Variants in TTLL5 observed in about 807,000 individuals in gnomAD.
TTLL5 encodes the protein tubulin polyglutamylase TTLL5.
In TTLL5, 132 loss-of-function variants were observed where a neutral mutation model predicts 168.4. That is an observed-to-expected ratio of 0.78 (90% CI 0.68 to 0.91). The LOEUF (loss-of-function observed/expected upper bound fraction) is 0.91. TTLL5 is among the 40% of genes least tolerant of loss of function. TTLL5 has a pLI of 0.00. For synonymous variants in TTLL5, 546 were observed against 558.6 expected, an observed-to-expected ratio of 0.98 and a Z score of 0.32; for missense variants, 1,545 against 1,581.5, an observed-to-expected ratio of 0.98 and a Z score of 0.39.
rs538568058 is a variant in TTLL5 at position 75,857,666 on chromosome 14, G to A, written c.3327-6001G>A. Reference sequence around the variant, plus strand: ...TCTTTTTTTTTTTTTTGGTGGGGAGGGGGAGACAAGAGTCTCACTCTGTCG... The same window carrying A: ...TCTTTTTTTTTTTTTTGGTGGGGAGAGGGAGACAAGAGTCTCACTCTGTCG... On this transcript the variant is annotated intron_variant, in intron 28 of 31. Transcript: ENST00000298832. 4.8e-3 allele frequency among the ~76,000 whole-genome samples: 713 copies of A among 149,280 alleles called. 4 individuals are homozygous for A. Among genetic ancestry groups the A allele is most frequent in the Non-Finnish European group, 7.8e-3 (523 of 67,328 alleles).
intron 12 of TTLL5, among the ~76,000 whole-genome samples, chr14:75,723,603 TTTTG>T (rs144575918): frequency 3.0e-4 from 45 of 152,318 alleles, no homozygotes; most frequent in South Asian, 8.3e-4. Context: ...GAATGTTTCC[TTTTG>T]TTTGTTTGTT....
intron 31 of TTLL5, among the ~76,000 whole-genome samples, chr14:75,905,358 C>T (rs1019271227): frequency 1.3e-5 from 2 of 152,200 alleles, no homozygotes; most frequent in African/African-American, 2.4e-5. Context: ...ACTGTTCTCT[C>T]GCAGTCTGAA....
chr14:75,675,790 G>A (rs1361626145), intron 3 of TTLL5, among the ~76,000 whole-genome samples: 2 of 152,196 alleles, frequency 1.3e-5, no homozygotes, highest in Non-Finnish European at 2.9e-5. Context: ...GTACATATTA[G>A]TCAGGGTGTT....
At chr14:75,731,295 T>G (rs139807220) in intron 12 of TTLL5, among the ~76,000 whole-genome samples, 8 of 151,932 alleles carry the variant, frequency 5.3e-5, no homozygotes, top group African/African-American at 1.7e-4. Context: ...ATAAGCAGTT[T>G]TTTTGAGGGT....
chr14:75,911,141 C>T (rs533788161), intron 31 of TTLL5, among the ~76,000 whole-genome samples: 1 of 152,314 alleles, frequency 6.6e-6, no homozygotes, highest in South Asian at 2.1e-4. Flanking sequence ...AACTCTCGAG[C>T]CTTCGCCTCC....
chr14:75,709,308 A>G, intron 9 of TTLL5: 1 of 699,988 alleles, frequency 1.4e-6, no homozygotes, highest in East Asian at 2.5e-5. Context: ...GATTTTAGAG[A>G]CTTAGTTTTT....
chr14:75,851,775 T>G (rs1453483224), intron 28 of TTLL5, among the ~76,000 whole-genome samples: 1 of 152,290 alleles, frequency 6.6e-6, no homozygotes, highest in East Asian at 1.9e-4. Flanking sequence ...TTGGCTGCCC[T>G]CATTTATCAC....
chr14:75,896,871 G>A (rs1035258565), intron 30 of TTLL5, among the ~76,000 whole-genome samples: 27 of 152,110 alleles, frequency 1.8e-4, no homozygotes, highest in Non-Finnish European at 2.8e-4. Context: ...TCCTGGACTG[G>A]GTTTTATGTA....
chr14:75,896,461 A>G (rs1325134269), intron 30 of TTLL5, among the ~76,000 whole-genome samples: 3 of 152,162 alleles, frequency 2.0e-5, no homozygotes, highest in Non-Finnish European at 4.4e-5. Flanking sequence ...TAAGATCAGC[A>G]TTTGTAGCTT....
At chr14:75,879,537 G>A (rs2031686855) in intron 29 of TTLL5, among the ~76,000 whole-genome samples, 1 of 152,190 alleles carries the variant, frequency 6.6e-6, no homozygotes. Context: ...CTTATTGAAT[G>A]CCTAGGCTAA....
At chr14:75,751,615 A>G (rs1399900184) in intron 17 of TTLL5, among the ~76,000 whole-genome samples, 3 of 152,212 alleles carry the variant, frequency 2.0e-5, no homozygotes, top group Non-Finnish European at 2.9e-5. Context: ...TTTCCATGTA[A>G]TATTTTCAGT....
intron 1 of TTLL5, among the ~76,000 whole-genome samples, chr14:75,662,067 A>G (rs1323678998): frequency 6.6e-6 from 1 of 152,202 alleles, no homozygotes; most frequent in Non-Finnish European, 1.5e-5. Flanking sequence ...AAATATTTTA[A>G]GTTAGAAATG....
intron 31 of TTLL5, among the ~76,000 whole-genome samples, chr14:75,943,246 G>A (rs112642989): frequency 2.0e-4 from 30 of 152,266 alleles, no homozygotes; most frequent in African/African-American, 5.8e-4. Flanking sequence ...CTCTGTACCC[G>A]AATTATGGCA....
intron 9 of TTLL5, among the ~76,000 whole-genome samples, chr14:75,717,651 G>A (rs955976204): frequency 6.6e-6 from 1 of 152,138 alleles, no homozygotes; most frequent in East Asian, 1.9e-4. Context: ...ACTTGGATAC[G>A]ATATTATCTA....
At position 75,669,414 on chromosome 14, in the gene TTLL5, A is replaced by T; in HGVS notation, c.75-2A>T. On this transcript the variant is annotated splice_acceptor_variant, in intron 2 of 31. Transcript: ENST00000298832. LOFTEE classifies it high-confidence loss of function. ...TTAATGAAGGCTTTTTTGTCGTTAT[A>T]GGGATCATCCATGCATCATGTGGAC... is the stretch of plus-strand genomic sequence containing the variant. The T allele has an allele frequency of 1.2e-6, 2 of 1,612,060 alleles. No individual in the cohort carries two copies. Among genetic ancestry groups the T allele is most frequent in the Non-Finnish European group, 1.7e-6 (2 of 1,178,704 alleles).
At chr14:75,954,218 A>T (rs1476477849) in intron 31 of TTLL5, among the ~76,000 whole-genome samples, 2 of 136,916 alleles carry the variant, frequency 1.5e-5, no homozygotes, top group Non-Finnish European at 3.0e-5. Flanking sequence ...GCGCCACTGC[A>T]CTCCAGCCTG....
chr14:75,848,513 T>C (rs1325075561), intron 28 of TTLL5, among the ~76,000 whole-genome samples: 4 of 152,196 alleles, frequency 2.6e-5, no homozygotes, highest in Admixed American at 1.3e-4. Context: ...TTGATAAAAA[T>C]CCTGCTGAGC....
At chr14:75,833,826 G>A (rs1895720969) in intron 28 of TTLL5, among the ~76,000 whole-genome samples, 1 of 152,198 alleles carries the variant, frequency 6.6e-6, no homozygotes, top group South Asian at 2.1e-4. Context: ...AAAGTAAGGA[G>A]TGGAATCCAG....
At chr14:75,901,765 A>G (rs866051972) in intron 30 of TTLL5, among the ~76,000 whole-genome samples, 1 of 152,228 alleles carries the variant, frequency 6.6e-6, no homozygotes, top group Non-Finnish European at 1.5e-5. Context: ...ATGTGTTTTC[A>G]TATGATTTAG....
Sources: allele counts gnomAD v4.1 joint callset (sites outside exome capture counted in the v4.1 genomes callset), GRCh38; gene constraint gnomAD v4.1.1; transcripts MANE v1.5; gene names NCBI Gene and HGNC (gene_info 2026-07-23, HGNC 2026-07-21).